Variants in SPMIP2 observed in about 807,000 individuals in gnomAD.
SPMIP2 encodes the protein protein SPMIP2.
chr4:158,922,936 T>C, the SPMIP2 span, among the ~76,000 whole-genome samples: 282 of 152,368 alleles, frequency 1.9e-3, 1 homozygote, highest in Non-Finnish European at 3.0e-3. Flanking sequence ...TAATATTTCA[T>C]GGTATGGATA....
At chr4:158,978,734 G>A in the SPMIP2 span, among the ~76,000 whole-genome samples, 1 of 152,058 alleles carries the variant, frequency 6.6e-6, no homozygotes, top group African/African-American at 2.4e-5. Context: ...GAGTAGGATT[G>A]CAAACCCTGC....
the SPMIP2 span, among the ~76,000 whole-genome samples, chr4:159,071,287 T>G: frequency 6.6e-6 from 1 of 152,184 alleles, no homozygotes; most frequent in East Asian, 1.9e-4. Context: ...AGATTGTATT[T>G]AGGTGATGCC....
At chr4:159,051,110 G>GAAAA in the SPMIP2 span, among the ~76,000 whole-genome samples, 1 of 111,152 alleles carries the variant, frequency 9.0e-6, no homozygotes. Context: ...CTCCGTCTCA[G>GAAAA]AAAAAAAAAA....
chr4:158,909,268 T>C, the SPMIP2 span: 3 of 152,142 alleles, frequency 2.0e-5, no homozygotes, highest in Non-Finnish European at 4.4e-5. Context: ...TGAGTTATGT[T>C]ATCTTAAAGA....
chr4:159,024,354 T>C, the SPMIP2 span, among the ~76,000 whole-genome samples: 1 of 152,222 alleles, frequency 6.6e-6, no homozygotes, highest in South Asian at 2.1e-4. Context: ...TGAAAGGTTC[T>C]ACCTTTTCTG....
At chr4:158,983,906 C>G in the SPMIP2 span, among the ~76,000 whole-genome samples, 1 of 117,976 alleles carries the variant, frequency 8.5e-6, no homozygotes, top group Non-Finnish European at 1.7e-5. Context: ...ACCCATCTCA[C>G]ATGCAGAGAC....
the SPMIP2 span, among the ~76,000 whole-genome samples, chr4:158,972,349 G>C: frequency 6.6e-6 from 1 of 152,196 alleles, no homozygotes; most frequent in East Asian, 1.9e-4. Context: ...GCGGCAGAGT[G>C]AGACCCTGTC....
chr4:158,969,787 C>T, the SPMIP2 span, among the ~76,000 whole-genome samples: 25 of 152,156 alleles, frequency 1.6e-4, no homozygotes, highest in Admixed American at 1.6e-3. Context: ...GTAAATTAGG[C>T]AGAACAGCTG....
At chr4:159,027,669 C>T in the SPMIP2 span, among the ~76,000 whole-genome samples, 1 of 152,118 alleles carries the variant, frequency 6.6e-6, no homozygotes, top group African/African-American at 2.4e-5. Flanking sequence ...AACAGGAAAC[C>T]ACTGGCAATT....
the SPMIP2 span, among the ~76,000 whole-genome samples, chr4:158,918,486 A>G: frequency 6.6e-6 from 1 of 152,252 alleles, no homozygotes; most frequent in Non-Finnish European, 1.5e-5. Context: ...TCAAGGGAAA[A>G]CTATTTCATG....
At chr4:158,978,818 C>A in the SPMIP2 span, among the ~76,000 whole-genome samples, 2 of 152,098 alleles carry the variant, frequency 1.3e-5, no homozygotes, top group Non-Finnish European at 2.9e-5. Context: ...TGTCTTTGCA[C>A]ATGAGATGGG....
At chr4:158,928,199 C>G in the SPMIP2 span, among the ~76,000 whole-genome samples, 2 of 152,316 alleles carry the variant, frequency 1.3e-5, no homozygotes, top group East Asian at 3.9e-4. Flanking sequence ...ACCTTTATGT[C>G]TAGCTCAGGG....
At chr4:158,907,301 C>T in the SPMIP2 span, 3 of 152,096 alleles carry the variant, frequency 2.0e-5, no homozygotes, top group Non-Finnish European at 4.4e-5. Flanking sequence ...TTTGTACAGG[C>T]TTCAATCCAT....
chr4:158,934,243 T>C, the SPMIP2 span, among the ~76,000 whole-genome samples: 3 of 152,098 alleles, frequency 2.0e-5, no homozygotes, highest in Non-Finnish European at 4.4e-5. Flanking sequence ...GGTGGATCAC[T>C]TGAGGTCAGA....
the SPMIP2 span, chr4:158,893,402 G>T: frequency 3.4e-6 from 1 of 296,806 alleles, no homozygotes. Flanking sequence ...AATTATATTA[G>T]AGAATGAATG....
the SPMIP2 span, chr4:158,906,328 T>G: frequency 6.6e-6 from 1 of 152,186 alleles, no homozygotes; most frequent in Non-Finnish European, 1.5e-5. Flanking sequence ...TTTAAAGCAT[T>G]CCCCTCGTCT....
chr4:158,952,281 G>A, the SPMIP2 span, among the ~76,000 whole-genome samples: 6 of 152,148 alleles, frequency 3.9e-5, no homozygotes, highest in Non-Finnish European at 8.8e-5. Context: ...ATCTCATTTT[G>A]AATTGTACTC....
chr4:158,968,413 C>T, the SPMIP2 span, among the ~76,000 whole-genome samples: 2 of 152,136 alleles, frequency 1.3e-5, no homozygotes, highest in African/African-American at 4.8e-5. Context: ...TTGATGGAAC[C>T]ATGAAGAAAG....
At chr4:159,043,025 G>A in the SPMIP2 span, among the ~76,000 whole-genome samples, 1 of 152,058 alleles carries the variant, frequency 6.6e-6, no homozygotes, top group African/African-American at 2.4e-5. Context: ...TGAATCCAGG[G>A]CACCATGCCA....
Sources: allele counts gnomAD v4.1 joint callset (sites outside exome capture counted in the v4.1 genomes callset), GRCh38; gene constraint gnomAD v4.1.1; transcripts MANE v1.5; gene names NCBI Gene and HGNC (gene_info 2026-07-23, HGNC 2026-07-21).